FHIT: variants seen among roughly 807,000 people sequenced by gnomAD.
FHIT encodes bis(5'-adenosyl)-triphosphatase.
In FHIT, 19 loss-of-function variants were observed where a neutral mutation model predicts 17.9. The observed-to-expected ratio is 1.06, with a 90% CI of 0.74 to 1.56. The LOEUF is 1.56. FHIT is among the 40% of genes most tolerant of loss of function. FHIT has a pLI of 0.00. For missense variants in FHIT, 248 were observed against 189.2 expected (o/e 1.31, Z -1.82); for synonymous variants, 81 against 69.7 (o/e 1.16, Z -0.81).
intron 7 of FHIT, among the ~76,000 whole-genome samples, chr3:59,978,346 T>A (rs1487455476): frequency 2.6e-5 from 4 of 152,082 alleles, no homozygotes; most frequent in Non-Finnish European, 5.9e-5. Context: ...TATTTAAAAT[T>A]TAAAGTACGT....
intron 7 of FHIT, among the ~76,000 whole-genome samples, chr3:59,983,976 G>T (rs553777254): frequency 6.6e-6 from 1 of 152,002 alleles, no homozygotes; most frequent in Admixed American, 6.6e-5. Context: ...ATATATTTAC[G>T]AATTATAACC....
intron 3 of FHIT, among the ~76,000 whole-genome samples, chr3:60,935,158 T>C (rs1418743141): frequency 6.6e-6 from 1 of 152,106 alleles, no homozygotes; most frequent in Non-Finnish European, 1.5e-5. Context: ...GTCAGAAAAA[T>C]TGGAGTAGTG....
intron 4 of FHIT, among the ~76,000 whole-genome samples, chr3:60,650,741 T>C (rs77191050): frequency 0.012 from 1,846 of 152,302 alleles, 46 homozygotes; most frequent in African/African-American, 0.042. Flanking sequence ...CGCGGGTCAT[T>C]TGGTGACGTT....
chr3:61,027,306 C>T (rs183485840), intron 3 of FHIT, among the ~76,000 whole-genome samples: 108 of 152,276 alleles, frequency 7.1e-4, no homozygotes, highest in African/African-American at 2.5e-3. Context: ...AGGCTGGTCT[C>T]GAACTCCTGA....
At chr3:60,130,929 A>G (rs936318252) in intron 5 of FHIT, among the ~76,000 whole-genome samples, 1 of 147,948 alleles carries the variant, frequency 6.8e-6, no homozygotes, top group African/African-American at 2.6e-5. Context: ...ACATACATAT[A>G]TGTTTATATA....
chr3:60,862,866 A>C (rs75894981), intron 3 of FHIT, among the ~76,000 whole-genome samples: 2 of 151,862 alleles, frequency 1.3e-5, no homozygotes, highest in Non-Finnish European at 2.9e-5. Flanking sequence ...AAAAAAAAAA[A>C]AAGATTCCTG....
chr3:59,964,013 G>C (rs1423346209), intron 7 of FHIT, among the ~76,000 whole-genome samples: 1 of 152,136 alleles, frequency 6.6e-6, no homozygotes, highest in Non-Finnish European at 1.5e-5. Flanking sequence ...GCTAAAAACA[G>C]AACAAATGTG....
At chr3:60,282,886 C>T (rs1393855288) in intron 5 of FHIT, among the ~76,000 whole-genome samples, 1 of 152,076 alleles carries the variant, frequency 6.6e-6, no homozygotes, top group Non-Finnish European at 1.5e-5. Context: ...CTTATGGCTG[C>T]TAAGATATCA....
At chr3:60,364,801 G>C (rs1336924876) in intron 5 of FHIT, among the ~76,000 whole-genome samples, 1 of 152,084 alleles carries the variant, frequency 6.6e-6, no homozygotes, top group Middle Eastern at 3.2e-3. Flanking sequence ...ATCAACTGAA[G>C]GGCTGAAAGA....
At chr3:59,995,891 C>T (rs1029261818) in intron 7 of FHIT, among the ~76,000 whole-genome samples, 2 of 152,078 alleles carry the variant, frequency 1.3e-5, no homozygotes, top group Non-Finnish European at 2.9e-5. Context: ...AACTGAAATC[C>T]ATTTCATCTC....
chr3:61,095,487 T>C (rs1276307165), intron 2 of FHIT, among the ~76,000 whole-genome samples: 2 of 152,198 alleles, frequency 1.3e-5, no homozygotes, highest in African/African-American at 4.8e-5. Context: ...CAGGATTTTA[T>C]GCACAGGTAA....
intron 5 of FHIT, among the ~76,000 whole-genome samples, chr3:60,445,628 C>T (rs1186163870): frequency 6.6e-6 from 1 of 152,018 alleles, no homozygotes; most frequent in Non-Finnish European, 1.5e-5. Context: ...TCAACATTCC[C>T]AGGAAGCCAC....
intron 7 of FHIT, among the ~76,000 whole-genome samples, chr3:59,950,209 A>G (rs1396251452): frequency 6.6e-6 from 1 of 152,224 alleles, no homozygotes; most frequent in East Asian, 1.9e-4. Flanking sequence ...AGTAAAGCAT[A>G]ATATAAAATA....
At chr3:60,073,368 T>C (rs1206140944) in intron 5 of FHIT, among the ~76,000 whole-genome samples, 1 of 152,070 alleles carries the variant, frequency 6.6e-6, no homozygotes, top group Admixed American at 6.6e-5. Flanking sequence ...CAAAATATCT[T>C]ATATTAAAAG....
chr3:61,013,649 T>C (rs2031919443), intron 3 of FHIT, among the ~76,000 whole-genome samples: 1 of 151,886 alleles, frequency 6.6e-6, no homozygotes, highest in Admixed American at 6.6e-5. Context: ...AAAGAGGAGG[T>C]GATGAAATGC....
At chr3:60,217,241 G>A (rs1703737094) in intron 5 of FHIT, among the ~76,000 whole-genome samples, 1 of 152,092 alleles carries the variant, frequency 6.6e-6, no homozygotes, top group South Asian at 2.1e-4. Context: ...TAGGATTTCT[G>A]CTTCATGGCC....
intron 5 of FHIT, among the ~76,000 whole-genome samples, chr3:60,034,681 TA>T (rs1321359626): frequency 6.6e-6 from 1 of 152,218 alleles, no homozygotes. Flanking sequence ...ATAATGGTAA[TA>T]AAATTGAATC....
In FHIT at chr3:60,097,338, G is replaced by A. The variant is rs116718199; in HGVS notation, c.104-83186C>T. Among the ~76,000 whole-genome samples the A allele has an allele frequency of 3.2e-3, 489 of 152,180 alleles. 7 individuals are homozygous for A. Among genetic ancestry groups the A allele is most frequent in the Non-Finnish European group, 4.9e-3 (336 of 68,014 alleles). ...GATGGGTCTAAATAAAATGAGCTGG[G>A]AATTTCCCTAGGAGCCCAGGGTAGT... On this transcript the variant is annotated intron_variant, in intron 5 of 9. Coordinates refer to ENST00000492590, the MANE Select transcript of FHIT (RefSeq NM_002012.4).
chr3:60,625,569 ATATC>A lies in FHIT; in HGVS notation c.-17-88594_-17-88591del, dbSNP rs145241881. Among the ~76,000 whole-genome samples the A allele has an allele frequency of 3.3e-3, 495 of 152,280 alleles. 2 individuals are homozygous for A. Among genetic ancestry groups the A allele is most frequent in the African/African-American group, 0.011 (476 of 41,548 alleles). ...TCATCTGTATATCTTCTTTGGATAA[ATATC>A]TATTCAGACCTTTTATCCATTTTTT... On this transcript the variant is annotated intron_variant, in intron 4 of 9. Coordinates refer to ENST00000492590, the MANE Select transcript of FHIT (RefSeq NM_002012.4).
Sources: gnomAD v4.1 joint callset for allele counts (sites outside exome capture counted in the v4.1 genomes callset) on GRCh38, gnomAD v4.1.1 for gene constraint, MANE v1.5 for transcripts, NCBI Gene and HGNC (gene_info 2026-07-23, HGNC 2026-07-21) for gene names.